The following LUC7L2 variants were observed in gnomAD, a reference collection of about 807,000 sequenced individuals.
LUC7L2 encodes the protein LUC7 like 2, pre-mRNA splicing factor.
In LUC7L2, 25 loss-of-function variants were observed where a neutral mutation model predicts 52.8. That is an observed-to-expected ratio of 0.47 (90% CI 0.34 to 0.66). LUC7L2 has a LOEUF of 0.66. Among genes scored for constraint, LUC7L2 ranks in the 30% least tolerant of loss-of-function variants. The pLI, the probability that LUC7L2 is intolerant of heterozygous loss-of-function variation, is 0.01. For missense variants in LUC7L2, 328 were observed against 497.8 expected (o/e 0.66, Z 3.25); for synonymous variants, 144 against 160.9 (o/e 0.89, Z 0.80).
At chr7:139,361,729 T>C (rs1411534088) in intron 1 of LUC7L2, among the ~76,000 whole-genome samples, 3 of 151,806 alleles carry the variant, frequency 2.0e-5, no homozygotes, top group Non-Finnish European at 4.4e-5. Context: ...GAATGGTTAC[T>C]TTATCACTGC....
At chr7:139,390,225 C>G (rs1473710734) in intron 2 of LUC7L2, among the ~76,000 whole-genome samples, 2 of 150,770 alleles carry the variant, frequency 1.3e-5, no homozygotes, top group Non-Finnish European at 3.0e-5. Flanking sequence ...GTCTCTCTCT[C>G]TCTCTCTCTC....
chr7:139,392,453 TG>T, intron 2 of LUC7L2: 1 of 412,214 alleles, frequency 2.4e-6, no homozygotes, highest in Non-Finnish European at 4.8e-6. Context: ...TAAAATGCTG[TG>T]GAGCTATAAG....
chr7:139,370,880 A>ATGGAGGGAAGAAAT (rs57520104), intron 1 of LUC7L2, among the ~76,000 whole-genome samples: 58,344 of 151,964 alleles, frequency 0.38, 15,643 homozygotes, highest in African/African-American at 0.77. Context: ...GTTGGAAGAA[A>ATGGAGGGAAGAAAT]TGGAGGGAAA....
rs578253254 is a variant in LUC7L2, at chr7:139,353,778, C to A, written c.-26+13261C>A. Among the ~76,000 whole-genome samples the A allele has an allele frequency of 2.0e-5, 3 of 147,358 alleles. No individual in the cohort carries two copies. The East Asian group carries it at 6.2e-4, about 30-fold the overall frequency. On this transcript the variant is annotated intron_variant, in intron 1 of 10. Coordinates refer to the LUC7L2 transcript ENST00000541170. Reference sequence around the variant, plus strand: ...ACTGCACTCCAGCCTGGTGACAGAGCAAGACTCCATCTCAAAAAAACCCAA... The same window carrying A: ...ACTGCACTCCAGCCTGGTGACAGAGAAAGACTCCATCTCAAAAAAACCCAA...
chr7:139,407,905 T>C (rs1795192600), intron 6 of LUC7L2, among the ~76,000 whole-genome samples: 1 of 152,164 alleles, frequency 6.6e-6, no homozygotes. Flanking sequence ...ACTCTTGTTG[T>C]TTAGAGGGGA....
intron 9 of LUC7L2, among the ~76,000 whole-genome samples, chr7:139,421,411 T>C (rs559954768): frequency 2.0e-5 from 3 of 152,320 alleles, no homozygotes; most frequent in African/African-American, 7.2e-5. Flanking sequence ...TTCCATAATA[T>C]GTTTGGTTTT....
intron 2 of LUC7L2, among the ~76,000 whole-genome samples, chr7:139,384,807 A>G (rs956519604): frequency 6.6e-6 from 1 of 151,638 alleles, no homozygotes. Flanking sequence ...TGCAGTGGCT[A>G]TTTGTAGGAG....
intron 1 of LUC7L2, 73 bp downstream of exon 1, chr7:139,360,395 A>G (rs923354804): frequency 9.8e-6 from 14 of 1,430,766 alleles, no homozygotes; most frequent in South Asian, 7.6e-5. Flanking sequence ...CCGAGGGCGC[A>G]CCTGGGCGCG....
chr7:139,422,525 T>C lies in LUC7L2; in HGVS notation c.*185T>C, dbSNP rs1163440774. ...TTGATGATGCCTAAAACTACATCCA[T>C]AGTTTCTGGTGAACCTGTAATACAG... On this transcript the variant is annotated 3_prime_UTR_variant, in exon 10 of 10. Coordinates refer to ENST00000354926, the MANE Select transcript of LUC7L2 (RefSeq NM_016019.5). 5.8e-6 allele frequency: 7 copies of C among 1,211,682 alleles called. No individual in the cohort carries two copies. Among genetic ancestry groups the C allele is most frequent in the Admixed American group, 7.3e-5 (2 of 27,460 alleles). 75.1% of individuals were successfully genotyped at this position (1,211,682 alleles called of 1,614,324 possible).
intron 2 of LUC7L2, among the ~76,000 whole-genome samples, chr7:139,391,716 G>A (rs1206275788): frequency 6.6e-6 from 1 of 152,094 alleles, no homozygotes; most frequent in African/African-American, 2.4e-5. Context: ...AGCCTCCTGA[G>A]TAGTTGGGAT....
chr7:139,376,885 G>A (rs535080089), intron 2 of LUC7L2, among the ~76,000 whole-genome samples: 6 of 152,314 alleles, frequency 3.9e-5, no homozygotes, highest in African/African-American at 4.8e-5. Flanking sequence ...AGAAATGACT[G>A]AAATGAAGAA....
chr7:139,389,667 T>C (rs1210778040), intron 2 of LUC7L2, among the ~76,000 whole-genome samples: 1 of 152,184 alleles, frequency 6.6e-6, no homozygotes, highest in Non-Finnish European at 1.5e-5. Context: ...AGTTATTCAT[T>C]GAACAAATAT....
Position 139,423,305 on chromosome 7 carries a change from C to T in LUC7L2, c.*965C>T, listed in dbSNP as rs564479474. The stretch of plus-strand genomic sequence containing the variant: ...CGTACTTGCAAAGATTCCAGATGAG[C>T]TGTTCATGTGGGCCCCTTGCTGACT... On this transcript the variant is annotated 3_prime_UTR_variant, in exon 10 of 10. Coordinates refer to ENST00000354926, the MANE Select transcript of LUC7L2 (RefSeq NM_016019.5). 56 of 399,042 alleles carry T rather than the reference C, an allele frequency of 1.4e-4. No individual in the cohort carries two copies. In the South Asian group the frequency reaches 6.1e-3, roughly 44 times the overall value. 24.7% of individuals were successfully genotyped at this position (399,042 alleles called of 1,614,324 possible). A position where few individuals can be genotyped will look rare whatever the true frequency, so the allele number is the denominator to read the frequency against.
At chr7:139,359,335 G>A (rs548303975), upstream of LUC7L2, 2 of 154,630 alleles carry the variant, frequency 1.3e-5, no homozygotes, top group African/African-American at 4.8e-5. Flanking sequence ...CTGCTTTCGG[G>A]CGCTTTCTCC....
Position 139,364,963 on chromosome 7 carries a change from T to C in LUC7L2, c.61+4641T>C, listed in dbSNP as rs2131186799. 1.3e-5 allele frequency among the ~76,000 whole-genome samples: 2 copies of C among 152,364 alleles called. 1 individual carries two copies. Among genetic ancestry groups the C allele is most frequent in the African/African-American group, 4.8e-5 (2 of 41,582 alleles). On this transcript the variant is annotated intron_variant, in intron 1 of 9. Coordinates refer to ENST00000354926, the MANE Select transcript of LUC7L2 (RefSeq NM_016019.5). ...TAAGTGAAGGAGGCGGAGCCTTTAA[T>C]GTATACGCAGACATTTTTTAAATAA...
At chr7:139,383,300 G>A (rs983833405) in intron 2 of LUC7L2, among the ~76,000 whole-genome samples, 1 of 151,868 alleles carries the variant, frequency 6.6e-6, no homozygotes, top group Non-Finnish European at 1.5e-5. Flanking sequence ...TGTATTTTTA[G>A]TAGAGACGGG....
intron 1 of LUC7L2, among the ~76,000 whole-genome samples, chr7:139,372,558 A>G (rs1202997495): frequency 1.3e-5 from 2 of 152,018 alleles, no homozygotes; most frequent in African/African-American, 4.8e-5. Flanking sequence ...TGGTAATTTT[A>G]GTCTAAGAAT....
chr7:139,386,203 A>G (rs761375686), intron 2 of LUC7L2, among the ~76,000 whole-genome samples: 27 of 151,530 alleles, frequency 1.8e-4, no homozygotes, highest in Non-Finnish European at 3.5e-4. Flanking sequence ...GGGTTTCACC[A>G]TGTTGGCTAA....
Position 139,400,886 on chromosome 7 carries a change from T to G in LUC7L2, c.256-1251T>G, listed in dbSNP as rs1271964451. ...TCACAGATAAAAGCTGTTTAAGAAA[T>G]GATCCTTATTGCTTTTCACATTGAA... On this transcript the variant is annotated intron_variant, in intron 3 of 9. Coordinates refer to ENST00000354926, the MANE Select transcript of LUC7L2 (RefSeq NM_016019.5). Among the ~76,000 whole-genome samples, 4 of 152,240 alleles carry G rather than the reference T, an allele frequency of 2.6e-5. 1 individual carries two copies. The highest frequency in any genetic ancestry group is 4.4e-5 in the Non-Finnish European group (3 of 68,036).
Sources: allele counts gnomAD v4.1 joint callset (sites outside exome capture counted in the v4.1 genomes callset), GRCh38; gene constraint gnomAD v4.1.1; transcripts MANE v1.5; gene names NCBI Gene and HGNC (gene_info 2026-07-23, HGNC 2026-07-21).